The following CAPN15 variants were observed in gnomAD, a reference collection of about 807,000 sequenced individuals.
CAPN15 encodes the protein calpain-15.
Under a neutral mutation model 97.9 loss-of-function variants are expected in CAPN15, and 53 were observed. The ratio of observed to expected loss-of-function variants is 0.54; its 90% confidence interval spans 0.43 to 0.68. The LOEUF (loss-of-function observed/expected upper bound fraction) is 0.68, where lower values mean the gene tolerates loss of function less well. Ranked by LOEUF, CAPN15 falls within the 30% of genes least tolerant of loss-of-function variation. The pLI is 0.00. For missense variants in CAPN15, 1,592 were observed against 1,589.8 expected, an observed-to-expected ratio of 1.00 and a Z score of -0.02; for synonymous variants, 922 against 722.5, an observed-to-expected ratio of 1.28 and a Z score of -4.43.
chr16:544,363 C>T (rs2034382386), intron 3 of CAPN15, among the ~76,000 whole-genome samples: 1 of 151,970 alleles, frequency 6.6e-6, no homozygotes, highest in Admixed American at 6.5e-5. Flanking sequence ...GGCCTCAGGG[C>T]TCTGGTGGCT....
rs554713426 is a variant in CAPN15 at position 548,335 on chromosome 16, G to T, written c.1449+48G>T. On this transcript the variant is annotated intron_variant, in intron 4 of 13. Coordinates refer to ENST00000219611, the MANE Select transcript of CAPN15 (RefSeq NM_005632.3). ...TCCTGCTCCTGAGCCTCCTGCTCCC[G>T]CCCTCCCCTTCCTAGGCTTTGGGCT... The T allele has an allele frequency of 9.8e-6, 14 of 1,424,222 alleles. No homozygotes were observed. In the East Asian group the frequency reaches 1.9e-4, roughly 20 times the overall value. 88.2% of individuals were successfully genotyped at this position (1,424,222 alleles called of 1,614,324 possible). A position where few individuals can be genotyped will look rare whatever the true frequency, so the allele number is the denominator to read the frequency against.
At chr16:528,743 G>C (rs2033032067) in intron 1 of CAPN15, 1 of 985,348 alleles carries the variant, frequency 1.0e-6, no homozygotes, top group Admixed American at 6.1e-5. Flanking sequence ...GGAAAGCAAT[G>C]GTGAGGCCCA....
In CAPN15 at chr16:547,270, A is replaced by AG; in HGVS notation, c.437dup (p.Trp147LeufsTer34). On this transcript the variant is annotated frameshift_variant, in exon 4 of 14. Transcript: ENST00000219611. LOFTEE classifies it high-confidence loss of function. ...AGGAGGAGGGAGCGGCGGAGCCCAG[A>AG]GGGGGCTGGGCGTGTCCGCGTTGCA... 6.6e-7 allele frequency: 1 copy of AG among 1,509,844 alleles called. No homozygotes were observed. The highest frequency in any genetic ancestry group is 1.3e-5 in the South Asian group (1 of 79,568). 93.5% of individuals were successfully genotyped at this position (1,509,844 alleles called of 1,614,324 possible). A position where few individuals can be genotyped will look rare whatever the true frequency, so the allele number is the denominator to read the frequency against.
chr16:536,426 AT>A (rs34372742), intron 3 of CAPN15, among the ~76,000 whole-genome samples: 90,504 of 145,036 alleles, frequency 0.62, 29,660 homozygotes, highest in East Asian at 0.89. Flanking sequence ...CTGGGAGCCT[AT>A]TTTTTTTTTT....
At chr16:538,485 A>C (rs548793603) in intron 3 of CAPN15, 1 of 152,272 alleles carries the variant, frequency 6.6e-6, no homozygotes, top group South Asian at 2.1e-4. Flanking sequence ...CAGGGCCCGC[A>C]ATGCTTCAAC....
chr16:536,222 A>C, intron 3 of CAPN15, 80 bp downstream of exon 3: 1 of 302,588 alleles, frequency 3.3e-6, no homozygotes, highest in Non-Finnish European at 4.9e-6. Context: ...GGACATGATA[A>C]CCCCCCTGCC....
rs754691297 is a variant in CAPN15, at chr16:552,899, G to A, written c.2941G>A (p.Gly981Ser). Residue 981 changes from glycine (G) to serine (S), a missense_variant, in exon 13 of 14, where the codon GGT becomes AGT. Gly to Ser is a moderately conservative substitution (Grantham distance 56). Coordinates refer to ENST00000219611, the MANE Select transcript of CAPN15 (RefSeq NM_005632.3). This position sits in a 1 kb window ranked among gnomAD's most constrained non-coding sequence, Gnocchi z 6.4. ...EGMTCYYLTH[G>S]WAGLIVVVEN... ...CATGACCTGCTACTACCTGACACAC[G>A]GTTGGGCGGGGCTCATCGTGGTGGT... The A allele has an allele frequency of 5.6e-5, 89 of 1,602,164 alleles. No homozygotes were observed. The highest frequency in any genetic ancestry group is 1.7e-4 in the Middle Eastern group (1 of 6,050).
chr16:549,185 C>T lies in CAPN15; in HGVS notation c.1642C>T (p.Leu548=). The T allele has an allele frequency of 3.1e-6, 4 of 1,298,344 alleles. No individual in the cohort carries two copies. The highest frequency in any genetic ancestry group is 1.2e-5 in the South Asian group (1 of 84,742). 80.4% of individuals were successfully genotyped at this position (1,298,344 alleles called of 1,614,324 possible). Residue 548 remains leucine (L), a synonymous_variant, in exon 5 of 14, where the codon CTG becomes TTG. Transcript: ENST00000219611. ...TLRPSDILQG[L]LGNCWFLSAL... ...GCGGCCCTCAGACATCCTGCAGGGGCTGCTGGGGAACTGCTGGTGAGGCCT... is the reference window on the plus strand; with the variant it reads ...GCGGCCCTCAGACATCCTGCAGGGGTTGCTGGGGAACTGCTGGTGAGGCCT...
chr16:553,906 C>T lies in CAPN15; in HGVS notation c.*390C>T. The T allele has an allele frequency of 5.1e-6, 1 of 197,722 alleles. No homozygotes were observed. Among genetic ancestry groups the T allele is most frequent in the South Asian group, 1.3e-4 (1 of 7,650 alleles). 12.2% of individuals were successfully genotyped at this position (197,722 alleles called of 1,614,324 possible). A position where few individuals can be genotyped will look rare whatever the true frequency, so the allele number is the denominator to read the frequency against. ...AATCTGGGTGTCAGAGGCCAAGACC[C>T]TGGGGTGGGATCAGGGACCACCCCT... On this transcript the variant is annotated 3_prime_UTR_variant, in exon 14 of 14. Transcript: ENST00000219611.
chr16:552,241 G>T lies in CAPN15; in HGVS notation c.2507+29G>T. 4 of 1,532,658 alleles carry T rather than the reference G, an allele frequency of 2.6e-6. No homozygotes were observed. The highest frequency in any genetic ancestry group is 3.5e-6 in the Non-Finnish European group (4 of 1,138,622). 94.9% of individuals were successfully genotyped at this position (1,532,658 alleles called of 1,614,324 possible). A position where few individuals can be genotyped will look rare whatever the true frequency, so the allele number is the denominator to read the frequency against. On this transcript the variant is annotated intron_variant, in intron 10 of 13. Transcript: ENST00000219611. The surrounding 1 kb of genome is among the most constrained non-coding windows in gnomAD (Gnocchi z 6.4). The stretch of plus-strand genomic sequence containing the variant: ...GGTGCTGCGGGGCCCCATCGGGCTG[G>T]GCTGGGCTAGGCTGGCGGCCGTGAC...
intron 3 of CAPN15, among the ~76,000 whole-genome samples, chr16:546,246 TC>T (rs1393082781): frequency 1.3e-5 from 2 of 152,222 alleles, no homozygotes; most frequent in Non-Finnish European, 2.9e-5. Context: ...TTTTCTTTCT[TC>T]CTGAACCAAA....
At chr16:533,544 G>A (rs996473377) in intron 1 of CAPN15, among the ~76,000 whole-genome samples, 3 of 152,168 alleles carry the variant, frequency 2.0e-5, no homozygotes, top group African/African-American at 7.2e-5. Flanking sequence ...AAGCTCGGCC[G>A]CCCTCCCTGG....
chr16:548,566 T>G (rs2034764070), intron 4 of CAPN15, among the ~76,000 whole-genome samples: 1 of 152,240 alleles, frequency 6.6e-6, no homozygotes. Flanking sequence ...CCGTCTGATG[T>G]GCCGCAGGAG....
At chr16:540,838 C>T (rs1002783679) in intron 3 of CAPN15, among the ~76,000 whole-genome samples, 3 of 152,226 alleles carry the variant, frequency 2.0e-5, no homozygotes, top group Admixed American at 6.5e-5. Flanking sequence ...CTTGGCTACC[C>T]GCTGCGTCCC....
chr16:553,711 G>C lies in CAPN15; in HGVS notation c.*195G>C. On this transcript the variant is annotated 3_prime_UTR_variant, in exon 14 of 14. Transcript: ENST00000219611. Reference sequence around the variant, plus strand: ...CTCCCTGAACCCCACAGTCCGCCTGGCCAGGCCTCCTGGCCGCCACGCAGA... The same window carrying C: ...CTCCCTGAACCCCACAGTCCGCCTGCCCAGGCCTCCTGGCCGCCACGCAGA... 1 of 483,206 alleles carries C rather than the reference G, an allele frequency of 2.1e-6. No homozygotes were observed. The highest frequency in any genetic ancestry group is 3.6e-6 in the Non-Finnish European group (1 of 274,132). The allele number at this position is 483,206 out of a possible 1,614,324, so 29.9% of individuals were successfully genotyped here.
At position 548,498 on chromosome 16, in the gene CAPN15, G is replaced by A. The variant is rs1185380858; in HGVS notation, c.1449+211G>A. On this transcript the variant is annotated intron_variant, in intron 4 of 13. Transcript: ENST00000219611. ...TGACCCTTGGTCCTTGCTGGTGACC[G>A]AGATGCACGACCTTCACCCCCCTCA... is the stretch of plus-strand genomic sequence containing the variant. Among the ~76,000 whole-genome samples, 3 of 152,216 alleles carry A rather than the reference G, an allele frequency of 2.0e-5. No homozygotes were observed. In the East Asian group the frequency reaches 5.8e-4, roughly 29 times the overall value.
intron 3 of CAPN15, chr16:540,025 A>G: frequency 5.2e-6 from 5 of 955,444 alleles, no homozygotes; most frequent in Non-Finnish European, 6.2e-6. Flanking sequence ...TGTGTGTGTG[A>G]ATCATGCTGT....
At chr16:539,939 G>A (rs1051496738) in intron 3 of CAPN15, 32 of 360,924 alleles carry the variant, frequency 8.9e-5, no homozygotes, top group Non-Finnish European at 1.0e-4. Context: ...TGCCGAAGTC[G>A]GGCCGCAGGC....
In CAPN15 at chr16:554,593, G is replaced by A. The variant is rs753202452; in HGVS notation, c.*1077G>A. 36 of 456,130 alleles carry A rather than the reference G, an allele frequency of 7.9e-5. No homozygotes were observed. Among genetic ancestry groups the A allele is most frequent in the South Asian group, 3.3e-4 (21 of 64,570 alleles). The allele number at this position is 456,130 out of a possible 1,614,324, so 28.3% of individuals were successfully genotyped here. A position where few individuals can be genotyped will look rare whatever the true frequency, so the allele number is the denominator to read the frequency against. On this transcript the variant is annotated 3_prime_UTR_variant, in exon 14 of 14. Transcript: ENST00000219611. Reference sequence around the variant, plus strand: ...CATAGGATTCTCCACAGTGGCTTCCGACTCAGGCTCCAATGGACCAAATAA... The same window carrying A: ...CATAGGATTCTCCACAGTGGCTTCCAACTCAGGCTCCAATGGACCAAATAA...
Sources: gnomAD v4.1 joint callset for allele counts (sites outside exome capture counted in the v4.1 genomes callset) on GRCh38, gnomAD v4.1.1 for gene constraint, Gnocchi (gnomAD v3.1) non-coding constraint, MANE v1.5 for transcripts, NCBI Gene and HGNC (gene_info 2026-07-23, HGNC 2026-07-21) for gene names.